The following PDK1 variants were observed in gnomAD, a reference collection of about 807,000 sequenced individuals.
PDK1 encodes the protein pyruvate dehydrogenase kinase 1, also known as [Pyruvate dehydrogenase (acetyl-transferring)] kinase isozyme 1, mitochondrial.
In PDK1, 39 loss-of-function variants were observed where a neutral mutation model predicts 54.2. That is an observed-to-expected ratio of 0.72 (90% confidence interval 0.56 to 0.94). PDK1 has a LOEUF of 0.94. Ranked by LOEUF, PDK1 falls within the 40% of genes least tolerant of loss-of-function variation. PDK1 has a pLI of 0.00. For missense variants in PDK1, 552 were observed against 566.0 expected (o/e 0.98, Z 0.25); for synonymous variants, 221 against 207.1 (o/e 1.07, Z -0.58).
At chr2:172,652,943 C>G in the PDK1 span, among the ~76,000 whole-genome samples, 6 of 152,166 alleles carry the variant, frequency 3.9e-5, no homozygotes, top group African/African-American at 1.2e-4. Context: ...CTACCAGTGA[C>G]TTTCTTCACA....
At chr2:172,626,132 G>A in the PDK1 span, among the ~76,000 whole-genome samples, 9 of 152,074 alleles carry the variant, frequency 5.9e-5, no homozygotes, top group African/African-American at 2.2e-4. Flanking sequence ...TTGGCTTGGG[G>A]CAAAATAATT....
chr2:172,658,400 C>T, the PDK1 span, among the ~76,000 whole-genome samples: 2 of 152,282 alleles, frequency 1.3e-5, no homozygotes, highest in South Asian at 4.2e-4. Context: ...TGTATATCAC[C>T]TCAGGATCAC....
downstream of PDK1, among the ~76,000 whole-genome samples, chr2:172,608,883 TC>T (rs553479580): frequency 3.9e-5 from 6 of 152,192 alleles, no homozygotes; most frequent in South Asian, 1.0e-3. Context: ...GTCTTGTCTT[TC>T]CCCTGTCATT....
intron 5 of PDK1, among the ~76,000 whole-genome samples, chr2:172,565,450 C>G (rs1169234201): frequency 6.6e-6 from 1 of 152,088 alleles, no homozygotes; most frequent in Non-Finnish European, 1.5e-5. Flanking sequence ...ATTACAGATG[C>G]TCAACACTAC....
At chr2:172,720,100 C>CTG in the PDK1 span, among the ~76,000 whole-genome samples, 1 of 114,400 alleles carries the variant, frequency 8.7e-6, no homozygotes, top group Non-Finnish European at 1.8e-5. Context: ...GAGCTTTTCT[C>CTG]TCTCTCTCTC....
the PDK1 span, among the ~76,000 whole-genome samples, chr2:172,702,796 G>A: frequency 6.6e-6 from 1 of 151,934 alleles, no homozygotes; most frequent in African/African-American, 2.4e-5. Flanking sequence ...TGGATGGTTG[G>A]AATTATCTAG....
At chr2:172,617,367 AT>A in the PDK1 span, among the ~76,000 whole-genome samples, 15 of 152,300 alleles carry the variant, frequency 9.8e-5, no homozygotes, top group African/African-American at 3.4e-4. Flanking sequence ...TAAATAAAAA[AT>A]ATTCCCCTCT....
the PDK1 span, among the ~76,000 whole-genome samples, chr2:172,614,578 C>G: frequency 6.6e-6 from 1 of 152,202 alleles, no homozygotes; most frequent in African/African-American, 2.4e-5. Flanking sequence ...CTGCAGACAT[C>G]TGAATGACTT....
At chr2:172,682,028 G>T in the PDK1 span, among the ~76,000 whole-genome samples, 1 of 152,194 alleles carries the variant, frequency 6.6e-6, no homozygotes, top group Admixed American at 6.5e-5. Context: ...AAAGTGCTGG[G>T]GATTAAAGGC....
chr2:172,596,419 T>G lies in PDK1; in HGVS notation c.*450T>G, dbSNP rs1401949492. On this transcript the variant is annotated 3_prime_UTR_variant, in exon 11 of 11. Coordinates refer to ENST00000282077, the MANE Select transcript of PDK1 (RefSeq NM_002610.5). The stretch of plus-strand genomic sequence containing the variant: ...GGTAGTGACAGCTGTAATATGGTCT[T>G]CATGTTTATCAGTGACTTGACTACA... The G allele has an allele frequency of 6.5e-6, 1 of 154,034 alleles. No individual in the cohort carries two copies. Among genetic ancestry groups the G allele is most frequent in the Non-Finnish European group, 1.4e-5 (1 of 69,164 alleles). 9.5% of individuals were successfully genotyped at this position (154,034 alleles called of 1,614,324 possible).
At chr2:172,654,302 A>T in the PDK1 span, among the ~76,000 whole-genome samples, 1 of 152,218 alleles carries the variant, frequency 6.6e-6, no homozygotes, top group Admixed American at 6.5e-5. Context: ...TCTTGCTGCT[A>T]TAAAGACACA....
chr2:172,586,188 C>G, intron 8 of PDK1, 90 bp from the exon 9 acceptor site: 1 of 727,038 alleles, frequency 1.4e-6, no homozygotes, highest in Non-Finnish European at 2.4e-6. Flanking sequence ...GCTCTCCCAC[C>G]AGCAGTTAAA....
At chr2:172,581,649 A>T (rs1426955729) in intron 8 of PDK1, among the ~76,000 whole-genome samples, 1 of 152,140 alleles carries the variant, frequency 6.6e-6, no homozygotes, top group Non-Finnish European at 1.5e-5. Flanking sequence ...CTCTCTTTAC[A>T]TGTTGAATTC....
At chr2:172,670,775 A>G in the PDK1 span, among the ~76,000 whole-genome samples, 1 of 152,168 alleles carries the variant, frequency 6.6e-6, no homozygotes, top group Non-Finnish European at 1.5e-5. Flanking sequence ...TTCTTTATTT[A>G]TATTTCTATT....
intron 1 of PDK1, chr2:172,558,236 C>G (rs1333227540): frequency 6.5e-6 from 1 of 152,674 alleles, no homozygotes; most frequent in African/African-American, 2.4e-5. Flanking sequence ...GTAAATACCA[C>G]TGCATTCGGA....
At chr2:172,677,271 C>T in the PDK1 span, 1 of 152,268 alleles carries the variant, frequency 6.6e-6, no homozygotes, top group African/African-American at 2.4e-5. Flanking sequence ...ATTTTTGCTT[C>T]CTCAGATGGG....
the PDK1 span, among the ~76,000 whole-genome samples, chr2:172,706,589 C>A: frequency 4.6e-5 from 7 of 152,066 alleles, no homozygotes; most frequent in Admixed American, 4.6e-4. Context: ...CCATGCCTGG[C>A]TAATTGGTGT....
At chr2:172,632,024 C>G in the PDK1 span, among the ~76,000 whole-genome samples, 106,396 of 151,972 alleles carry the variant, frequency 0.7, 37,913 homozygotes, top group Non-Finnish European at 0.77. Context: ...ACCTGTAATC[C>G]CAGCACTTTG....
At position 172,558,847 on chromosome 2, in the gene PDK1, C is replaced by A. The variant is rs201626926; in HGVS notation, c.336C>A (p.Ser112Arg). ...LRTPSVQLVQ[S>R]WYIQSLQELL... Reference sequence around the variant, plus strand: ...CACCATCCGTTCAATTGGTACAAAGCTGGTAAGATTCTCATCTTGTGTTTG... The same window carrying A: ...CACCATCCGTTCAATTGGTACAAAGATGGTAAGATTCTCATCTTGTGTTTG... The change falls in exon 2 of 11, where the codon AGC (serine) becomes AGA (arginine). Residue 112 changes from serine (S) to arginine (R), a missense_variant and splice_region_variant. Physicochemically the swap from Ser to Arg is moderately radical, Grantham distance 110. Transcript: ENST00000282077. 1.3e-4 allele frequency: 207 copies of A among 1,609,188 alleles called. 3 individuals carry two copies. In the South Asian group the frequency reaches 2.2e-3, roughly 17 times the overall value.
Sources: gnomAD v4.1 joint callset for allele counts (sites outside exome capture counted in the v4.1 genomes callset) on GRCh38, gnomAD v4.1.1 for gene constraint, MANE v1.5 for transcripts, NCBI Gene and HGNC (gene_info 2026-07-23, HGNC 2026-07-21) for gene names.